Variants in CYP19A1 observed in about 807,000 individuals in gnomAD.
CYP19A1 encodes the protein aromatase.
A neutral mutation model predicts 44.4 loss-of-function variants in CYP19A1; 32 were observed. The observed-to-expected ratio is 0.72, with a 90% CI of 0.54 to 0.97. CYP19A1 has a LOEUF of 0.97. Among genes scored for constraint, CYP19A1 ranks in the 50% least tolerant of loss-of-function variants. CYP19A1 has a pLI of 0.00. For synonymous variants in CYP19A1, 212 were observed against 215.6 expected (o/e 0.98, Z 0.14); for missense variants, 598 against 637.8 (o/e 0.94, Z 0.67).
At chr15:51,332,668 G>A (rs1230337437) in intron 1 of CYP19A1, among the ~76,000 whole-genome samples, 5 of 152,172 alleles carry the variant, frequency 3.3e-5, no homozygotes, top group Non-Finnish European at 7.3e-5. Flanking sequence ...ATGGGTGACA[G>A]GTCTTTTCCT....
At chr15:51,281,101 C>T (rs956185987) in intron 1 of CYP19A1, among the ~76,000 whole-genome samples, 9 of 152,230 alleles carry the variant, frequency 5.9e-5, no homozygotes, top group Admixed American at 2.6e-4. Context: ...CTGCTAACTC[C>T]GCCAGGACTT....
intron 3 of CYP19A1, among the ~76,000 whole-genome samples, chr15:51,229,102 G>A (rs903646792): frequency 6.6e-6 from 1 of 152,188 alleles, no homozygotes; most frequent in Non-Finnish European, 1.5e-5. Flanking sequence ...CAATGTATTA[G>A]GTTGTGGGCT....
At chr15:51,240,935 C>G (rs763612699) in intron 2 of CYP19A1, among the ~76,000 whole-genome samples, 1 of 152,212 alleles carries the variant, frequency 6.6e-6, no homozygotes, top group Non-Finnish European at 1.5e-5. Flanking sequence ...GTCTCAGTTT[C>G]CCCTTCTGTC....
intron 1 of CYP19A1, among the ~76,000 whole-genome samples, chr15:51,320,562 C>T (rs2036510056): frequency 6.6e-6 from 1 of 152,214 alleles, no homozygotes; most frequent in African/African-American, 2.4e-5. Context: ...ATTTCTGAAG[C>T]TCCTTGTGGC....
At chr15:51,289,485 G>T (rs2035792938) in intron 1 of CYP19A1, among the ~76,000 whole-genome samples, 1 of 152,094 alleles carries the variant, frequency 6.6e-6, no homozygotes, top group Admixed American at 6.5e-5. Flanking sequence ...GGCTCTGCTT[G>T]TCATCATTCT....
At chr15:51,286,297 TTC>T (rs937339951) in intron 1 of CYP19A1, among the ~76,000 whole-genome samples, 1 of 152,166 alleles carries the variant, frequency 6.6e-6, no homozygotes, top group African/African-American at 2.4e-5. Flanking sequence ...CATATAAATA[TTC>T]TCTCTTCTAC....
chr15:51,313,600 C>A (rs1420429992), intron 1 of CYP19A1, among the ~76,000 whole-genome samples: 2 of 152,130 alleles, frequency 1.3e-5, no homozygotes, highest in Non-Finnish European at 2.9e-5. Flanking sequence ...AGTTCAAGAC[C>A]AGCCTGGCCA....
intron 4 of CYP19A1, among the ~76,000 whole-genome samples, chr15:51,223,593 T>TCTCACACACA (rs1356666512): frequency 0.02 from 1,815 of 90,192 alleles, 26 homozygotes; most frequent in South Asian, 0.051. Flanking sequence ...TCTCTCTCTC[T>TCTCACACACA]CACACACACA....
At chr15:51,317,316 A>T (rs1474479507) in intron 1 of CYP19A1, among the ~76,000 whole-genome samples, 1 of 152,116 alleles carries the variant, frequency 6.6e-6, no homozygotes, top group African/African-American at 2.4e-5. Flanking sequence ...TCACCATGTT[A>T]GCCAGGATGG....
At chr15:51,332,939 G>A (rs1003928693) in intron 1 of CYP19A1, among the ~76,000 whole-genome samples, 9 of 152,094 alleles carry the variant, frequency 5.9e-5, no homozygotes, top group South Asian at 2.1e-4. Context: ...TGAATCATTT[G>A]TCTTGCCCAT....
At chr15:51,325,097 T>C (rs780025818) in intron 1 of CYP19A1, among the ~76,000 whole-genome samples, 11 of 152,196 alleles carry the variant, frequency 7.2e-5, no homozygotes, top group Non-Finnish European at 1.5e-4. Context: ...TATGTGCCTG[T>C]AGTCCCAGCT....
intron 1 of CYP19A1, among the ~76,000 whole-genome samples, chr15:51,332,272 T>C (rs964306815): frequency 2.6e-5 from 4 of 152,138 alleles, no homozygotes; most frequent in South Asian, 2.1e-4. Context: ...AACATAAGAG[T>C]CCAACTATTT....
At chr15:51,236,798 T>C in intron 3 of CYP19A1, 61 bp downstream of exon 3, 2 of 1,600,208 alleles carry the variant, frequency 1.2e-6, no homozygotes, top group Non-Finnish European at 1.7e-6. Flanking sequence ...AAAGTTGTCT[T>C]AAGTGGAAAA....
At position 51,315,132 on chromosome 15, in the gene CYP19A1, C is replaced by G. The variant is rs144432092; in HGVS notation, c.-39+23363G>C. On this transcript the variant is annotated intron_variant, in intron 1 of 9. Transcript: ENST00000396402. ...TTGAGATAACACAGAAACTCTCCAACAGGCCTTTCAAAGTCCTTCACTTAC... is the reference window on the plus strand; with the variant it reads ...TTGAGATAACACAGAAACTCTCCAAGAGGCCTTTCAAAGTCCTTCACTTAC... Among the ~76,000 whole-genome samples, 1,247 of 152,286 alleles carry G rather than the reference C, an allele frequency of 8.2e-3. 5 individuals carry two copies. Among genetic ancestry groups the G allele is most frequent in the Middle Eastern group, 0.027 (8 of 294 alleles).
intron 1 of CYP19A1, among the ~76,000 whole-genome samples, chr15:51,271,653 C>T (rs1008159267): frequency 6.6e-6 from 1 of 152,194 alleles, no homozygotes; most frequent in Non-Finnish European, 1.5e-5. Context: ...TTCTTTCCTT[C>T]TTCTCTTCTC....
At chr15:51,294,640 AGCCCCCCGCCCGGCCAGCCG>A (rs1358700367) in intron 1 of CYP19A1, among the ~76,000 whole-genome samples, 15 of 134,128 alleles carry the variant, frequency 1.1e-4, no homozygotes, top group Middle Eastern at 4.0e-3. Context: ...TGGGGGGGTC[AGCCCCCCGCCCGGCCAGCCG>A]CCCCGTCCGG....
chr15:51,324,989 C>G (rs1355983206), intron 1 of CYP19A1, among the ~76,000 whole-genome samples: 1 of 152,106 alleles, frequency 6.6e-6, no homozygotes, highest in Non-Finnish European at 1.5e-5. Flanking sequence ...CTTCCTTTCC[C>G]CTCCTCACAA....
At chr15:51,248,317 C>T (rs2034855658) in intron 1 of CYP19A1, among the ~76,000 whole-genome samples, 1 of 152,224 alleles carries the variant, frequency 6.6e-6, no homozygotes, top group Non-Finnish European at 1.5e-5. Context: ...TCTGAACCAA[C>T]TGTCACAACC....
At position 51,215,147 on chromosome 15, in the gene CYP19A1, A is replaced by G. The variant is rs2031439735; in HGVS notation, c.944T>C (p.Leu315Ser). The G allele has an allele frequency of 1.9e-6, 3 of 1,614,014 alleles. No individual in the cohort carries two copies. Among genetic ancestry groups the G allele is most frequent in the African/African-American group, 2.7e-5 (2 of 74,936 alleles). ...TGCAATGAGAAATAGCATGAAGAAC[A>G]AAGAGACAGACATGGTGTCAGGAGC... ...IAAPDTMSVSLFFMLFLIAKH... is the reference protein window; with the variant it reads ...IAAPDTMSVSSFFMLFLIAKH... Residue 315 changes from leucine (L) to serine (S), a missense_variant, in exon 8 of 10, where the codon TTG becomes TCG. Physicochemically the swap from Leu to Ser is moderately radical, Grantham distance 145. Transcript: ENST00000396402.
Sources: allele counts gnomAD v4.1 joint callset (sites outside exome capture counted in the v4.1 genomes callset), GRCh38; gene constraint gnomAD v4.1.1; transcripts MANE v1.5; gene names NCBI Gene and HGNC (gene_info 2026-07-23, HGNC 2026-07-21).